Variants in TMEM91 observed in about 807,000 individuals in gnomAD.
TMEM91 encodes dispanin subfamily C member 3.
A neutral mutation model predicts 13.3 loss-of-function variants in TMEM91; 6 were observed. The observed-to-expected ratio is 0.45, with a 90% CI of 0.25 to 0.89. TMEM91 has a LOEUF of 0.89. Among genes scored for constraint, TMEM91 ranks in the 40% least tolerant of loss-of-function variants. The pLI, the probability that TMEM91 is intolerant of heterozygous loss-of-function variation, is 0.19. For synonymous variants in TMEM91, 87 were observed against 101.7 expected (o/e 0.86, Z 0.87); for missense variants, 193 against 228.7 (o/e 0.84, Z 1.01).
chr19:41,368,426 G>T (rs954508025), intron 1 of TMEM91, among the ~76,000 whole-genome samples: 28 of 127,538 alleles, frequency 2.2e-4, no homozygotes, highest in East Asian at 1.0e-3. Flanking sequence ...CCTTTTTTTT[G>T]GGGGGGGTGG....
intron 2 of TMEM91, among the ~76,000 whole-genome samples, chr19:41,380,886 C>T (rs1275627903): frequency 7.0e-6 from 1 of 142,556 alleles, no homozygotes; most frequent in Non-Finnish European, 1.5e-5. Flanking sequence ...TGCACTCCAG[C>T]CTGGGCAACA....
At position 41,369,081 on chromosome 19, in the gene TMEM91, C is replaced by T. The variant is rs181019510; in HGVS notation, c.-30+4986C>T. On this transcript the variant is annotated intron_variant, in intron 1 of 3. Transcript: ENST00000413014. ...AGTGAGCTGTGATTGTGCCACTGCA[C>T]TCCAGCCTGGGCAACTGAGTGAGAC... 6.6e-5 allele frequency among the ~76,000 whole-genome samples: 10 copies of T among 152,296 alleles called. No homozygotes were observed. The East Asian group carries it at 1.9e-3, about 30-fold the overall frequency.
intron 2 of TMEM91, among the ~76,000 whole-genome samples, chr19:41,381,422 G>A (rs1163272015): frequency 1.4e-5 from 2 of 146,734 alleles, no homozygotes; most frequent in Non-Finnish European, 3.0e-5. Context: ...GGGCAGTAGC[G>A]CAATCTCGGC....
intron 2 of TMEM91, among the ~76,000 whole-genome samples, 157 bp from the exon 3 acceptor site, chr19:41,382,615 A>G (rs1460448526): frequency 6.6e-6 from 1 of 152,110 alleles, no homozygotes; most frequent in Non-Finnish European, 1.5e-5. Context: ...CTCCGTCTCA[A>G]ACAAACACCG....
intron 1 of TMEM91, among the ~76,000 whole-genome samples, chr19:41,369,017 G>T (rs1220644715): frequency 6.6e-6 from 1 of 152,138 alleles, no homozygotes; most frequent in Non-Finnish European, 1.5e-5. Flanking sequence ...TCTGGTGGCG[G>T]AGGTGGGAGG....
At chr19:41,365,909 C>T (rs1288764022) in intron 1 of TMEM91, among the ~76,000 whole-genome samples, 1 of 151,338 alleles carries the variant, frequency 6.6e-6, no homozygotes, top group Non-Finnish European at 1.5e-5. Flanking sequence ...TGGAGTTCCA[C>T]CATGTTGGTC....
At chr19:41,375,332 G>T (rs1473097619), upstream of TMEM91, among the ~76,000 whole-genome samples, 1 of 127,084 alleles carries the variant, frequency 7.9e-6, no homozygotes, top group Admixed American at 9.2e-5. Flanking sequence ...AGGCTGGAGT[G>T]CAGTGGCGCG....
chr19:41,365,471 C>T (rs1160250089), intron 1 of TMEM91, among the ~76,000 whole-genome samples: 2 of 152,010 alleles, frequency 1.3e-5, no homozygotes, highest in Admixed American at 1.3e-4. Context: ...GTGGTGCGAT[C>T]CCAGCTCACT....
chr19:41,369,701 G>A (rs921449743), intron 1 of TMEM91, among the ~76,000 whole-genome samples: 1 of 151,674 alleles, frequency 6.6e-6, no homozygotes, highest in Admixed American at 6.6e-5. Flanking sequence ...CCAGCTACTC[G>A]GGAGGCTGAG....
intron 1 of TMEM91, among the ~76,000 whole-genome samples, chr19:41,367,192 T>C (rs1330461113): frequency 6.6e-6 from 1 of 152,168 alleles, no homozygotes; most frequent in Non-Finnish European, 1.5e-5. Context: ...CTATAGAGTT[T>C]ATTCCAGGCT....
chr19:41,370,085 T>C (rs990931639), intron 1 of TMEM91, among the ~76,000 whole-genome samples: 10 of 152,170 alleles, frequency 6.6e-5, no homozygotes, highest in Non-Finnish European at 1.3e-4. Context: ...TATTTATTTA[T>C]TTATTTTTTG....
In TMEM91 at chr19:41,364,584, T is replaced by C. The variant is rs922399746; in HGVS notation, c.-30+489T>C. Among the ~76,000 whole-genome samples the C allele has an allele frequency of 3.3e-5, 5 of 151,616 alleles. No individual in the cohort carries two copies. The East Asian group carries it at 9.7e-4, about 29-fold the overall frequency. On this transcript the variant is annotated intron_variant, in intron 1 of 3. Transcript: ENST00000413014. ...ACTCCTCATTCAGAGAGTGGAGAAG[T>C]TGGGGAGTGGGTTCTGCTTCCGTTT...
intron 2 of TMEM91, among the ~76,000 whole-genome samples, chr19:41,379,023 G>T (rs918577359): frequency 4.6e-5 from 7 of 151,654 alleles, no homozygotes; most frequent in African/African-American, 1.7e-4. Flanking sequence ...TTGTAGAGAA[G>T]AGGTTTTGTC....
At chr19:41,369,366 C>T (rs769903711) in intron 1 of TMEM91, among the ~76,000 whole-genome samples, 1 of 151,940 alleles carries the variant, frequency 6.6e-6, no homozygotes, top group African/African-American at 2.4e-5. Flanking sequence ...GGGGTTTTGC[C>T]ATGTATGGCC....
chr19:41,371,612 G>T (rs2038625064), upstream of TMEM91, among the ~76,000 whole-genome samples: 1 of 151,762 alleles, frequency 6.6e-6, no homozygotes, highest in Admixed American at 6.6e-5. Flanking sequence ...TAGAGATGGG[G>T]TTTCACCATG....
rs574433726 is a variant in TMEM91 at position 41,370,923 on chromosome 19, G to A, written c.-30+6828G>A. On this transcript the variant is annotated intron_variant, in intron 1 of 3. Transcript: ENST00000413014. ...TCACCATGTTGGCCAGGATGTACTC[G>A]AACTCCTGACCTCAGGTGATCAGCC... Among the ~76,000 whole-genome samples, 149 of 149,210 alleles carry A rather than the reference G, an allele frequency of 1.0e-3. 1 individual carries two copies. The highest frequency in any genetic ancestry group is 3.6e-3 in the African/African-American group (144 of 40,292).
chr19:41,373,494 C>T (rs945284230), upstream of TMEM91, among the ~76,000 whole-genome samples: 22 of 149,652 alleles, frequency 1.5e-4, no homozygotes, highest in African/African-American at 3.5e-4. Flanking sequence ...TGTTTTAGGC[C>T]GTGAGGCACA....
At chr19:41,365,485 A>G (rs945180225) in intron 1 of TMEM91, among the ~76,000 whole-genome samples, 6 of 151,712 alleles carry the variant, frequency 4.0e-5, no homozygotes, top group Non-Finnish European at 7.4e-5. Context: ...GCTCACTGCA[A>G]TCTCTGCCTC....
Position 41,383,725 on chromosome 19 carries a change from C to G in TMEM91, c.371C>G (p.Ala124Gly). 6.2e-7 allele frequency: 1 copy of G among 1,610,644 alleles called. No homozygotes were observed. Among genetic ancestry groups the G allele is most frequent in the Non-Finnish European group, 8.5e-7 (1 of 1,177,990 alleles). ...CCACTGCCTCTACAGACCAACAAGG[C>G]TTGGGCCAAGGGGGACATCCAGGGG... is the stretch of plus-strand genomic sequence containing the variant. ...AFCLAQKTNK[A>G]WAKGDIQGAG... Residue 124 changes from alanine (A) to glycine (G), a missense_variant, in exon 4 of 4, where the codon GCT becomes GGT. Ala to Gly is a moderately conservative substitution (Grantham distance 60). Transcript: ENST00000392002.
Sources: gnomAD v4.1 joint callset for allele counts (sites outside exome capture counted in the v4.1 genomes callset) on GRCh38, gnomAD v4.1.1 for gene constraint, MANE v1.5 for transcripts, NCBI Gene and HGNC (gene_info 2026-07-23, HGNC 2026-07-21) for gene names.